MTERF4: variants seen among roughly 807,000 people sequenced by gnomAD.
The protein encoded by MTERF4 is transcription termination factor 4, mitochondrial.
A neutral mutation model predicts 22.5 loss-of-function variants in MTERF4; 17 were observed. That is an observed-to-expected ratio of 0.75 (90% confidence interval 0.52 to 1.13). The LOEUF (loss-of-function observed/expected upper bound fraction) is 1.13. MTERF4 is among the 50% of genes most tolerant of loss of function. The pLI, the probability that MTERF4 is intolerant of heterozygous loss-of-function variation, is 0.00. For missense variants in MTERF4, 420 were observed against 466.8 expected (o/e 0.90, Z 0.92); for synonymous variants, 165 against 175.3 (o/e 0.94, Z 0.47).
At chr2:241,093,125 CG>C (rs1559329134), downstream of MTERF4, 1 of 152,344 alleles carries the variant, frequency 6.6e-6, no homozygotes, top group Non-Finnish European at 1.5e-5. Flanking sequence ...AGGCAATTCG[CG>C]AAGTTTCACC....
chr2:241,081,605 A>G, intron 4 of MTERF4: 1 of 1,152,200 alleles, frequency 8.7e-7, no homozygotes, highest in South Asian at 1.3e-5. Context: ...CAAGGAAGGG[A>G]CAGCAACATG....
downstream of MTERF4, chr2:241,068,013 GC>G: frequency 6.9e-7 from 1 of 1,439,726 alleles, no homozygotes; most frequent in African/African-American, 1.4e-5. This position sits in a 1 kb window ranked among gnomAD's most constrained non-coding sequence, Gnocchi z 5.3. Flanking sequence ...GGGACACGGG[GC>G]CCAGGTCTCG....
At chr2:241,089,624 G>A (rs1043099699), downstream of MTERF4, among the ~76,000 whole-genome samples, 2 of 152,084 alleles carry the variant, frequency 1.3e-5, no homozygotes, top group Non-Finnish European at 2.9e-5. Flanking sequence ...CTGTTGACTC[G>A]AGGGAATCAC....
Position 241,075,102 on chromosome 2 carries a change from T to A in MTERF4, n.1060A>T, listed in dbSNP as rs2062957353. 6.6e-6 allele frequency: 1 copy of A among 152,222 alleles called. No individual in the cohort carries two copies. Among genetic ancestry groups the A allele is most frequent in the Non-Finnish European group, 1.5e-5 (1 of 68,042 alleles). The allele number at this position is 152,222 out of a possible 1,614,324, so 9.4% of individuals were successfully genotyped here. On this transcript the variant is annotated non_coding_transcript_exon_variant, in exon 5 of 5. Coordinates refer to the MTERF4 transcript ENST00000464344. The surrounding 1 kb of genome is among the most constrained non-coding windows in gnomAD (Gnocchi z 4.8). The stretch of plus-strand genomic sequence containing the variant: ...TGGGCGGCTGCGGCTTATTCACACC[T>A]ACTATTGAGCACAGAGTCCACTGAG...
downstream of MTERF4, chr2:241,071,869 G>C (rs775546808): frequency 6.2e-7 from 1 of 1,600,684 alleles, no homozygotes; most frequent in South Asian, 1.1e-5. Context: ...AGCAGCCACC[G>C]TGAGATCACG....
At chr2:241,045,765 G>C in the MTERF4 span, among the ~76,000 whole-genome samples, 1 of 149,338 alleles carries the variant, frequency 6.7e-6, no homozygotes, top group Non-Finnish European at 1.5e-5. Context: ...TCTTAGATAA[G>C]ACAGCAAAAG....
intron 4 of MTERF4, among the ~76,000 whole-genome samples, chr2:241,078,635 G>A (rs113073048): frequency 0.018 from 2,801 of 151,868 alleles, 50 homozygotes; most frequent in Middle Eastern, 0.041. Flanking sequence ...CAGGACTGGA[G>A]GGTGGAGGGG....
the MTERF4 span, among the ~76,000 whole-genome samples, chr2:241,053,546 C>T: frequency 1.3e-5 from 2 of 152,216 alleles, no homozygotes; most frequent in Non-Finnish European, 2.9e-5. Flanking sequence ...CTAAAGGCTT[C>T]CCCATCCTCA....
the MTERF4 span, among the ~76,000 whole-genome samples, chr2:241,058,466 A>G: frequency 6.6e-6 from 1 of 152,234 alleles, no homozygotes; most frequent in Non-Finnish European, 1.5e-5. Flanking sequence ...GTAGAGATCC[A>G]AGATACAAAA....
chr2:241,089,362 G>C (rs555436993), downstream of MTERF4: 4 of 1,550,376 alleles, frequency 2.6e-6, no homozygotes, highest in Non-Finnish European at 3.5e-6. Flanking sequence ...GTTTTGTTAC[G>C]TGCCTAAAAA....
intron 4 of MTERF4, among the ~76,000 whole-genome samples, chr2:241,079,411 CAAA>C (rs757361914): frequency 4.0e-5 from 3 of 74,438 alleles, no homozygotes; most frequent in Non-Finnish European, 2.9e-5. Flanking sequence ...GACTCCATCT[CAAA>C]AAAAAAAAAA....
the MTERF4 span, chr2:241,049,241 ACT>A: frequency 1.2e-6 from 1 of 811,176 alleles, no homozygotes; most frequent in Non-Finnish European, 2.0e-6. Flanking sequence ...TTCCCTTCTG[ACT>A]CTCGGGAGAG....
the MTERF4 span, among the ~76,000 whole-genome samples, chr2:241,053,926 CT>C: frequency 6.6e-6 from 1 of 152,196 alleles, no homozygotes; most frequent in Non-Finnish European, 1.5e-5. Context: ...ATCAGAAAGT[CT>C]GTGTGATGTG....
chr2:241,061,596 C>G, the MTERF4 span, among the ~76,000 whole-genome samples: 1 of 152,048 alleles, frequency 6.6e-6, no homozygotes, highest in South Asian at 2.1e-4. Flanking sequence ...TTTGTAAAAG[C>G]AAAAAGTCTA....
chr2:241,066,034 G>A, the MTERF4 span, among the ~76,000 whole-genome samples: 1 of 152,178 alleles, frequency 6.6e-6, no homozygotes, highest in Admixed American at 6.5e-5. Context: ...ATATGTAGGC[G>A]CTGAGGTGTG....
chr2:241,088,221 G>A, downstream of MTERF4: 7 of 680,236 alleles, frequency 1.0e-5, no homozygotes, highest in Non-Finnish European at 1.9e-5. Flanking sequence ...CTCCACAGCG[G>A]TGTCTGGACT....
At chr2:241,081,668 TGTTTCCAGAC>T in intron 4 of MTERF4, 1 of 1,585,406 alleles carries the variant, frequency 6.3e-7, no homozygotes, top group Non-Finnish European at 8.6e-7. Flanking sequence ...TCGTGACCTC[TGTTTCCAGAC>T]GTCCCTGGCA....
At chr2:241,089,482 G>T, downstream of MTERF4, 1 of 1,509,696 alleles carries the variant, frequency 6.6e-7, no homozygotes, top group South Asian at 1.3e-5. Flanking sequence ...CCCCCTTGGG[G>T]GAAAGGTCTG....
At chr2:241,099,988 G>A (rs1480544432) in intron 1 of MTERF4, 94 bp from the exon 2 acceptor site, 2 of 1,432,682 alleles carry the variant, frequency 1.4e-6, no homozygotes, top group East Asian at 4.8e-5. Context: ...TACTGCCTTG[G>A]TTCCACACAA....
Sources: gnomAD v4.1 joint callset for allele counts (sites outside exome capture counted in the v4.1 genomes callset) on GRCh38, gnomAD v4.1.1 for gene constraint, Gnocchi (gnomAD v3.1) non-coding constraint, MANE v1.5 for transcripts, NCBI Gene and HGNC (gene_info 2026-07-23, HGNC 2026-07-21) for gene names.